Variants in SYN3 observed in about 807,000 individuals in gnomAD.
SYN3 encodes synapsin III, also known as synapsin-3.
A neutral mutation model predicts 65.8 loss-of-function variants in SYN3; 35 were observed. The ratio of observed to expected loss-of-function variants is 0.53; its 90% CI spans 0.41 to 0.70. SYN3 has a LOEUF of 0.70. Ranked by LOEUF, SYN3 falls within the 30% of genes least tolerant of loss-of-function variation. SYN3 has a pLI of 0.00. For missense variants in SYN3, 680 were observed against 749.0 expected, an observed-to-expected ratio of 0.91 and a Z score of 1.08; for synonymous variants, 270 against 292.9, an observed-to-expected ratio of 0.92 and a Z score of 0.80.
At chr22:32,863,388 C>A (rs1325303331) in intron 6 of SYN3, among the ~76,000 whole-genome samples, 3 of 152,198 alleles carry the variant, frequency 2.0e-5, no homozygotes, top group Non-Finnish European at 1.5e-5. Context: ...AGAATCCCAA[C>A]CTGGTGGAGG....
intron 6 of SYN3, among the ~76,000 whole-genome samples, chr22:32,603,798 G>C (rs912308095): frequency 1.3e-5 from 2 of 152,190 alleles, no homozygotes; most frequent in Non-Finnish European, 2.9e-5. Flanking sequence ...GGGATGCCGA[G>C]GTCTGCATCA....
intron 3 of SYN3, among the ~76,000 whole-genome samples, chr22:32,960,353 G>A (rs927371086): frequency 5.3e-5 from 8 of 152,156 alleles, no homozygotes; most frequent in Admixed American, 1.3e-4. Flanking sequence ...CTCCAAGGCC[G>A]GTTGAAATAA....
chr22:33,006,253 G>T, intron 2 of SYN3, 99 bp downstream of exon 2: 1 of 1,372,314 alleles, frequency 7.3e-7, no homozygotes, highest in Non-Finnish European at 9.9e-7. Context: ...TAGCACCCAA[G>T]CCTCTCATAG....
In SYN3 at chr22:33,036,008, C is replaced by A. The variant is rs183646226; in HGVS notation, c.-163+22284G>T. Among the ~76,000 whole-genome samples, 823 of 152,288 alleles carry A rather than the reference C, an allele frequency of 5.4e-3. 4 individuals are homozygous for A. Among genetic ancestry groups the A allele is most frequent in the African/African-American group, 0.019 (790 of 41,550 alleles). On this transcript the variant is annotated intron_variant, in intron 1 of 13. Transcript: ENST00000358763. ...CAGAGACATCCATAACTGACTCTTC[C>A]TTTACTCCTTTTTTCTCTTCATCAT... is the stretch of plus-strand genomic sequence containing the variant.
At chr22:32,681,383 G>T (rs1359204448) in intron 6 of SYN3, among the ~76,000 whole-genome samples, 1 of 152,146 alleles carries the variant, frequency 6.6e-6, no homozygotes, top group Non-Finnish European at 1.5e-5. Flanking sequence ...GGCCATTTTG[G>T]CCCCAGGGGA....
intron 2 of SYN3, among the ~76,000 whole-genome samples, chr22:32,995,057 C>T (rs948173048): frequency 6.6e-6 from 1 of 152,124 alleles, no homozygotes; most frequent in East Asian, 1.9e-4. Context: ...AAACAGGGAC[C>T]AGAGCCCACA....
At chr22:32,727,656 A>G (rs1335303109) in intron 6 of SYN3, among the ~76,000 whole-genome samples, 2 of 151,968 alleles carry the variant, frequency 1.3e-5, no homozygotes, top group Admixed American at 1.3e-4. Context: ...TTGTTTTTTG[A>G]CTTTTCAGTA....
chr22:32,719,125 C>A (rs1218534603), intron 6 of SYN3, among the ~76,000 whole-genome samples: 1 of 152,156 alleles, frequency 6.6e-6, no homozygotes, highest in Non-Finnish European at 1.5e-5. Flanking sequence ...TCTTTGAGGT[C>A]CTGGGGAGGA....
intron 6 of SYN3, among the ~76,000 whole-genome samples, chr22:32,754,157 T>G (rs1252471426): frequency 2.0e-5 from 3 of 151,870 alleles, no homozygotes; most frequent in Non-Finnish European, 4.4e-5. Flanking sequence ...CCTCCCTTCC[T>G]TTTTTTCTTT....
intron 6 of SYN3, among the ~76,000 whole-genome samples, chr22:32,771,735 T>G (rs975447991): frequency 2.0e-5 from 3 of 152,198 alleles, no homozygotes; most frequent in Admixed American, 6.5e-5. Flanking sequence ...GGGGACTATA[T>G]TAAACAATGC....
intron 6 of SYN3, among the ~76,000 whole-genome samples, chr22:32,709,915 T>C (rs1671665070): frequency 6.6e-6 from 1 of 152,048 alleles, no homozygotes; most frequent in Non-Finnish European, 1.5e-5. Context: ...ATCGGATTAC[T>C]GTACAGGTAG....
At chr22:32,803,770 T>C (rs1416985475) in intron 6 of SYN3, among the ~76,000 whole-genome samples, 1 of 152,142 alleles carries the variant, frequency 6.6e-6, no homozygotes. Context: ...GGCTGGCAGG[T>C]GGAATCAGGG....
rs201719238 is a variant in SYN3, at chr22:33,008,924, C to CAA, written c.-162-2102_-162-2101dup. On this transcript the variant is annotated intron_variant, in intron 1 of 13. Transcript: ENST00000358763. ...TGGGTGACAGAGTAAGACTTTATCT[C>CAA]AAAAAAAAAAAAAAAAAAAAAAAAA... Among the ~76,000 whole-genome samples, 75 of 57,056 alleles carry CAA rather than the reference C, an allele frequency of 1.3e-3. 1 individual carries two copies. The highest frequency in any genetic ancestry group is 1.6e-3 in the Non-Finnish European group (51 of 30,944). 37.4% of individuals were successfully genotyped at this position (57,056 alleles called of 152,430 possible).
intron 1 of SYN3, among the ~76,000 whole-genome samples, chr22:33,023,713 C>T (rs907809142): frequency 3.9e-5 from 6 of 152,094 alleles, no homozygotes; most frequent in Non-Finnish European, 8.8e-5. Context: ...CTCTGGGTCA[C>T]AGTGCGACGC....
chr22:33,036,678 CTTTTTTTTTTTT>C lies in SYN3; in HGVS notation c.-163+21602_-163+21613del, dbSNP rs133977. 3.3e-3 allele frequency among the ~76,000 whole-genome samples: 328 copies of C among 99,516 alleles called. 1 individual carries two copies. Among genetic ancestry groups the C allele is most frequent in the Non-Finnish European group, 4.3e-3 (233 of 54,188 alleles). The allele number at this position is 99,516 out of a possible 152,430, so 65.3% of individuals were successfully genotyped here. A position where few individuals can be genotyped will look rare whatever the true frequency, so the allele number is the denominator to read the frequency against. ...TTTTAAATGCTGTAAAGCCCAAGTT[CTTTTTTTTTTTT>C]TTTTTTTTTTTTTTTTTTGAGACAG... On this transcript the variant is annotated intron_variant, in intron 1 of 13. Transcript: ENST00000358763.
intron 6 of SYN3, among the ~76,000 whole-genome samples, chr22:32,710,632 CAAA>C (rs57427060): frequency 5.3e-5 from 4 of 75,014 alleles, no homozygotes; most frequent in Non-Finnish European, 2.4e-5. Context: ...GACTCTGTCT[CAAA>C]AAAAAAAAAA....
At position 32,618,045 on chromosome 22, in the gene SYN3, G is replaced by A. The variant is rs780266993; in HGVS notation, c.712-21309C>T. Among the ~76,000 whole-genome samples, 5 of 152,146 alleles carry A rather than the reference G, an allele frequency of 3.3e-5. 1 individual carries two copies. Among genetic ancestry groups the A allele is most frequent in the African/African-American group, 9.6e-5 (4 of 41,494 alleles). ...GCTAGACTAGGTGTAGCCACATCAC[G>A]CCTATCTCAGTCCCTTCTTATCCCC... On this transcript the variant is annotated intron_variant, in intron 6 of 13. Transcript: ENST00000358763.
chr22:32,572,913 A>T (rs1480191558), intron 7 of SYN3, among the ~76,000 whole-genome samples: 1 of 152,198 alleles, frequency 6.6e-6, no homozygotes, highest in African/African-American at 2.4e-5. Flanking sequence ...AGATGATAGC[A>T]TTCGAGGGGG....
At chr22:32,572,442 CCTTCCTTT>C (rs1171974027) in intron 7 of SYN3, among the ~76,000 whole-genome samples, 4 of 125,118 alleles carry the variant, frequency 3.2e-5, no homozygotes, top group Non-Finnish European at 5.1e-5. Flanking sequence ...TTCCTTCCCT[CCTTCCTTT>C]CCTCCCTTCC....
Sources: gnomAD v4.1 joint callset for allele counts (sites outside exome capture counted in the v4.1 genomes callset) on GRCh38, gnomAD v4.1.1 for gene constraint, MANE v1.5 for transcripts, NCBI Gene and HGNC (gene_info 2026-07-23, HGNC 2026-07-21) for gene names.